Variants in LPCAT2 observed in about 807,000 individuals in gnomAD.
The protein encoded by LPCAT2 is lysophosphatidylcholine acyltransferase 2.
In LPCAT2, 58 loss-of-function variants were observed where a neutral mutation model predicts 64.7. That is an observed-to-expected ratio of 0.90 (90% CI 0.73 to 1.12). The LOEUF (loss-of-function observed/expected upper bound fraction) is 1.12, where lower values mean the gene tolerates loss of function less well. Among genes scored for constraint, LPCAT2 ranks in the 50% most tolerant of loss-of-function variants. LPCAT2 has a pLI of 0.00. For missense variants in LPCAT2, 579 were observed against 669.8 expected, an observed-to-expected ratio of 0.86 and a Z score of 1.50; for synonymous variants, 252 against 245.3, an observed-to-expected ratio of 1.03 and a Z score of -0.26.
intron 1 of LPCAT2, among the ~76,000 whole-genome samples, chr16:55,520,648 A>G (rs1393164808): frequency 1.3e-5 from 2 of 152,006 alleles, no homozygotes; most frequent in African/African-American, 4.8e-5. Flanking sequence ...AGTTTGAAAT[A>G]TTACAGAGAA....
intron 11 of LPCAT2, among the ~76,000 whole-genome samples, chr16:55,573,867 G>T (rs1309177669): frequency 1.3e-5 from 2 of 151,328 alleles, no homozygotes; most frequent in African/African-American, 2.4e-5. Flanking sequence ...TTTCTCCTAA[G>T]CTTTCTTCTC....
intron 2 of LPCAT2, among the ~76,000 whole-genome samples, chr16:55,526,887 T>C (rs1338400665): frequency 1.3e-5 from 2 of 152,202 alleles, no homozygotes; most frequent in East Asian, 3.9e-4. Flanking sequence ...TTGAAGTTAT[T>C]ATGTGGGACC....
intron 4 of LPCAT2, 87 bp downstream of exon 4, chr16:55,530,034 CAA>C: frequency 1.0e-4 from 92 of 914,924 alleles, no homozygotes; most frequent in Middle Eastern, 2.2e-4. Flanking sequence ...CCACAGATAG[CAA>C]TATCTGTGGA....
intron 11 of LPCAT2, among the ~76,000 whole-genome samples, chr16:55,572,655 G>A (rs992696109): frequency 6.6e-6 from 1 of 152,012 alleles, no homozygotes; most frequent in Non-Finnish European, 1.5e-5. Flanking sequence ...GTATACATTT[G>A]TCAAAACACA....
intron 11 of LPCAT2, among the ~76,000 whole-genome samples, chr16:55,556,461 T>C (rs1963575574): frequency 6.6e-6 from 1 of 152,100 alleles, no homozygotes; most frequent in Non-Finnish European, 1.5e-5. Context: ...GTCAAACTAT[T>C]ATAGCTAGCA....
chr16:55,532,100 T>G (rs1304904485), intron 5 of LPCAT2, 126 bp downstream of exon 5: 1 of 657,596 alleles, frequency 1.5e-6, no homozygotes, highest in Non-Finnish European at 2.7e-6. Flanking sequence ...GATAGCAACT[T>G]TTTAACGTTG....
In LPCAT2 at chr16:55,525,541, C is replaced by A; in HGVS notation, c.205C>A (p.Arg69Ser). The change falls in exon 2 of 14, where the codon CGT becomes AGT. Residue 69 changes from arginine (R) to serine (S), a missense_variant. Coordinates refer to ENST00000262134, the MANE Select transcript of LPCAT2 (RefSeq NM_017839.5). ...VLLGIILLPI[R>S]VLLVALILLL... ...TCTTGGGATTATCTTGCTTCCAATT[C>A]GTGTCTTATTGGTTGCGTTAATTTT... The A allele has an allele frequency of 1.2e-6, 2 of 1,609,750 alleles. No homozygotes were observed. The highest frequency in any genetic ancestry group is 8.5e-7 in the Non-Finnish European group (1 of 1,177,730).
intron 7 of LPCAT2, among the ~76,000 whole-genome samples, chr16:55,534,889 TA>T (rs1963304725): frequency 6.6e-6 from 1 of 152,194 alleles, no homozygotes; most frequent in South Asian, 2.1e-4. Context: ...TGGCCTGAAA[TA>T]GCTATGATGT....
At chr16:55,522,993 G>T (rs919722213) in intron 1 of LPCAT2, among the ~76,000 whole-genome samples, 43 of 151,522 alleles carry the variant, frequency 2.8e-4, no homozygotes, top group African/African-American at 9.9e-4. Context: ...TTAATCAAAA[G>T]ATACCATTAA....
chr16:55,545,624 G>A, intron 8 of LPCAT2, 111 bp from the exon 9 acceptor site: 2 of 711,734 alleles, frequency 2.8e-6, no homozygotes, highest in Non-Finnish European at 4.8e-6. Context: ...TATAACCTAT[G>A]TTCTAGAAAG....
Position 55,583,374 on chromosome 16 carries a change from T to C in LPCAT2, c.*276T>C, listed in dbSNP as rs1963909190. 1 of 284,400 alleles carries C rather than the reference T, an allele frequency of 3.5e-6. No homozygotes were observed. The highest frequency in any genetic ancestry group is 2.1e-5 in the African/African-American group (1 of 46,796). The allele number at this position is 284,400 out of a possible 1,614,324, so 17.6% of individuals were successfully genotyped here. ...TATGGATTTTCCAGTTTAATTTGCA[T>C]ATACAAATGAATGCAATGGTCTATT... On this transcript the variant is annotated 3_prime_UTR_variant, in exon 14 of 14. Transcript: ENST00000262134.
At chr16:55,532,149 G>A in intron 5 of LPCAT2, 175 bp downstream of exon 5, 1 of 557,282 alleles carries the variant, frequency 1.8e-6, no homozygotes, top group Non-Finnish European at 3.2e-6. Context: ...TCTCTTTTGG[G>A]GTCATAATTC....
intron 5 of LPCAT2, chr16:55,532,388 A>G (rs796398351): frequency 5.4e-4 from 88 of 163,188 alleles, no homozygotes; most frequent in African/African-American, 2.0e-3. Flanking sequence ...ATGTTTTTGT[A>G]TTAGCTGCCA....
chr16:55,509,396 C>G (rs1197984665), intron 1 of LPCAT2, 44 bp downstream of exon 1: 1 of 1,294,990 alleles, frequency 7.7e-7, no homozygotes, highest in Non-Finnish European at 9.9e-7. Flanking sequence ...TGAGGGGGGC[C>G]TAGGTCAGAG....
intron 11 of LPCAT2, among the ~76,000 whole-genome samples, chr16:55,564,110 A>G (rs1274845073): frequency 6.6e-6 from 1 of 152,070 alleles, no homozygotes; most frequent in Non-Finnish European, 1.5e-5. Flanking sequence ...ACAATGGCAT[A>G]GAAAAAATTA....
intron 10 of LPCAT2, among the ~76,000 whole-genome samples, chr16:55,549,661 C>T (rs1385700309): frequency 6.6e-6 from 1 of 152,164 alleles, no homozygotes; most frequent in East Asian, 1.9e-4. Context: ...GATCTGCCTC[C>T]CTACTCAGAG....
At chr16:55,579,614 T>C (rs1195520642) in intron 13 of LPCAT2, among the ~76,000 whole-genome samples, 1 of 152,208 alleles carries the variant, frequency 6.6e-6, no homozygotes, top group Non-Finnish European at 1.5e-5. Flanking sequence ...AGTTTGACTT[T>C]GGAGCCTGCA....
At chr16:55,541,919 T>C (rs1414596617) in intron 8 of LPCAT2, 1 of 1,283,036 alleles carries the variant, frequency 7.8e-7, no homozygotes, top group African/African-American at 1.5e-5. Flanking sequence ...TCTTCGAAGA[T>C]TTAAAAGAAG....
chr16:55,527,948 A>T lies in LPCAT2; in HGVS notation c.312-429A>T, dbSNP rs371975950. Among the ~76,000 whole-genome samples the T allele has an allele frequency of 2.4e-4, 36 of 152,346 alleles. No individual in the cohort carries two copies. The East Asian group carries it at 6.2e-3, about 26-fold the overall frequency. On this transcript the variant is annotated intron_variant, in intron 2 of 13. Coordinates refer to ENST00000262134, the MANE Select transcript of LPCAT2 (RefSeq NM_017839.5). ...TTCATTACACAAATGTGGATTCCCA[A>T]GATAACCACTTTGAAGGACAATACT...
Sources: gnomAD v4.1 joint callset for allele counts (sites outside exome capture counted in the v4.1 genomes callset) on GRCh38, gnomAD v4.1.1 for gene constraint, MANE v1.5 for transcripts, NCBI Gene and HGNC (gene_info 2026-07-23, HGNC 2026-07-21) for gene names.